The following SPINT4 variants were observed in gnomAD, a reference collection of about 807,000 sequenced individuals.
SPINT4 encodes the protein kunitz-type protease inhibitor 4.
In SPINT4, 7 loss-of-function variants were observed where a neutral mutation model predicts 9.4. That is an observed-to-expected ratio of 0.74 (90% CI 0.42 to 1.40). The LOEUF (loss-of-function observed/expected upper bound fraction) is 1.40. SPINT4 is among the 40% of genes most tolerant of loss of function. The probability of loss-of-function intolerance (pLI) is 0.01; values close to 1 mark genes in which losing one functional copy is unlikely to be tolerated. For synonymous variants in SPINT4, 36 were observed against 39.9 expected, an observed-to-expected ratio of 0.90 and a Z score of 0.37; for missense variants, 105 against 114.4, an observed-to-expected ratio of 0.92 and a Z score of 0.37.
In SPINT4 at chr20:45,724,148, C is replaced by A. The variant is rs1040346759; in HGVS notation, c.293+91C>A. 5 of 1,368,310 alleles carry A rather than the reference C, an allele frequency of 3.7e-6. No individual in the cohort carries two copies. In the Admixed American group the frequency reaches 7.2e-5, roughly 20 times the overall value. The allele number at this position is 1,368,310 out of a possible 1,614,324, so 84.8% of individuals were successfully genotyped here. A position where few individuals can be genotyped will look rare whatever the true frequency, so the allele number is the denominator to read the frequency against. ...ATAGAGAAAATTGATCAGGGGCTAA[C>A]CTTGCTTGGAGTGGGAAGAGGGAGG... On this transcript the variant is annotated intron_variant, in intron 2 of 2. Coordinates refer to ENST00000279058, the MANE Select transcript of SPINT4 (RefSeq NM_178455.3).
intron 2 of SPINT4, among the ~76,000 whole-genome samples, chr20:45,724,729 C>T (rs986786533): frequency 2.0e-5 from 3 of 150,208 alleles, no homozygotes; most frequent in Non-Finnish European, 4.4e-5. Context: ...GCCTGTAATC[C>T]CAGTACTTTG....
chr20:45,723,822 A>G, intron 1 of SPINT4, 58 bp from the exon 2 acceptor site: 1 of 1,420,870 alleles, frequency 7.0e-7, no homozygotes, highest in Non-Finnish European at 9.4e-7. Context: ...CATAAAGACA[A>G]GTTCTCCTGC....
At position 45,724,756 on chromosome 20, in the gene SPINT4, G is replaced by A. The variant is rs1354579307; in HGVS notation, c.293+699G>A. Among the ~76,000 whole-genome samples the A allele has an allele frequency of 6.7e-5, 10 of 149,478 alleles. 2 individuals are homozygous for A. Among genetic ancestry groups the A allele is most frequent in the Non-Finnish European group, 1.0e-4 (7 of 67,434 alleles). ...AGTACTTTGAGAGGCCGAGGTGGGC[G>A]GATCACAAGGTCAGGAGATCGAGAC... On this transcript the variant is annotated intron_variant, in intron 2 of 2. Transcript: ENST00000279058.
At chr20:45,723,826 C>A in intron 1 of SPINT4, 54 bp from the exon 2 acceptor site, 1 of 1,442,642 alleles carries the variant, frequency 6.9e-7, no homozygotes, top group Non-Finnish European at 9.2e-7. Context: ...AAGACAAGTT[C>A]TCCTGCTGAG....
At position 45,725,688 on chromosome 20, in the gene SPINT4, A is replaced by G. The variant is rs550779085; in HGVS notation, c.*53A>G. The stretch of plus-strand genomic sequence containing the variant: ...CTGCACCATCCGAAATAAAGACACA[A>G]GAAAATTCAGACTGATTTTGAAATC... On this transcript the variant is annotated 3_prime_UTR_variant, in exon 3 of 3. Transcript: ENST00000279058. The G allele has an allele frequency of 2.6e-4, 414 of 1,603,514 alleles. 4 individuals are homozygous for G. The South Asian group carries it at 4.4e-3, about 17-fold the overall frequency.
chr20:45,723,196 TA>T (rs1274785180), intron 1 of SPINT4, among the ~76,000 whole-genome samples: 1 of 151,918 alleles, frequency 6.6e-6, no homozygotes, highest in Non-Finnish European at 1.5e-5. Flanking sequence ...TACCAGAGAG[TA>T]AATTCCAGGC....
rs747537845 is a variant in SPINT4, at chr20:45,725,678, T to C, written c.*43T>C. Reference sequence around the variant, plus strand: ...AAGTTGTCTGCTGCACCATCCGAAATAAAGACACAAGAAAATTCAGACTGA... The same window carrying C: ...AAGTTGTCTGCTGCACCATCCGAAACAAAGACACAAGAAAATTCAGACTGA... On this transcript the variant is annotated 3_prime_UTR_variant, in exon 3 of 3. Coordinates refer to ENST00000279058, the MANE Select transcript of SPINT4 (RefSeq NM_178455.3). 1.6e-5 allele frequency: 25 copies of C among 1,610,362 alleles called. No homozygotes were observed. The highest frequency in any genetic ancestry group is 2.0e-5 in the Non-Finnish European group (23 of 1,176,730).
intron 1 of SPINT4, among the ~76,000 whole-genome samples, chr20:45,723,006 CGTAA>C (rs776758358): frequency 1.3e-4 from 20 of 152,008 alleles, no homozygotes; most frequent in Non-Finnish European, 1.8e-4. Context: ...CAGTTTATAC[CGTAA>C]GTCAGACACT....
intron 1 of SPINT4, among the ~76,000 whole-genome samples, chr20:45,723,007 G>A (rs80179355): frequency 1.5e-3 from 231 of 152,108 alleles, no homozygotes; most frequent in African/African-American, 5.0e-3. Flanking sequence ...AGTTTATACC[G>A]TAAGTCAGAC....
intron 1 of SPINT4, 49 bp from the exon 2 acceptor site, chr20:45,723,831 G>C (rs1259965383): frequency 2.0e-6 from 3 of 1,474,622 alleles, no homozygotes; most frequent in Middle Eastern, 3.6e-4. Flanking sequence ...AAGTTCTCCT[G>C]CTGAGTCCTT....
rs1240357045 is a variant in SPINT4 at position 45,722,434 on chromosome 20, T to C, written c.67T>C (p.Leu23=). Residue 23 remains leucine, a synonymous_variant, in exon 1 of 3, where the codon TTG becomes CTG. Transcript: ENST00000279058. ...CTTCTGCTCATTGAATACCCTGTTA[T>C]TGGGTGGTGTTAATAAAATTGCGGA... ...FIFCSLNTLL[L]GGVNKIAEKI... 2 of 1,613,538 alleles carry C rather than the reference T, an allele frequency of 1.2e-6. No individual in the cohort carries two copies. The highest frequency in any genetic ancestry group is 2.2e-5 in the East Asian group (1 of 44,892).
intron 2 of SPINT4, 61 bp downstream of exon 2, chr20:45,724,118 C>A (rs1187802354): frequency 4.0e-6 from 6 of 1,499,886 alleles, no homozygotes; most frequent in Middle Eastern, 3.5e-4. Context: ...TTTTGACATC[C>A]TAAGATAGAG....
At chr20:45,724,513 A>G (rs1443782519) in intron 2 of SPINT4, among the ~76,000 whole-genome samples, 3 of 33,480 alleles carry the variant, frequency 9.0e-5, no homozygotes, top group African/African-American at 3.7e-4. Context: ...AACTCCATCT[A>G]AAAAAAAAAA....
intron 2 of SPINT4, 24 bp downstream of exon 2, chr20:45,724,081 G>A (rs751040617): frequency 1.3e-6 from 2 of 1,572,390 alleles, no homozygotes; most frequent in African/African-American, 1.4e-5. Flanking sequence ...TCCTGTCCTT[G>A]GTCCTTGGGG....
At chr20:45,725,013 T>TATATATATATATACACAC (rs1984910302) in intron 2 of SPINT4, among the ~76,000 whole-genome samples, 2 of 49,506 alleles carry the variant, frequency 4.0e-5, no homozygotes, top group Admixed American at 1.9e-4. Context: ...TATATATATA[T>TATATATATATATACACAC]ATATATATAT....
Position 45,725,662 on chromosome 20 carries a change from G to T in SPINT4, c.*27G>T. The T allele has an allele frequency of 3.1e-6, 5 of 1,613,148 alleles. No homozygotes were observed. Among genetic ancestry groups the T allele is most frequent in the Non-Finnish European group, 4.2e-6 (5 of 1,179,198 alleles). ...AGGATGTGAACTCATGAAGTTGTCT[G>T]CTGCACCATCCGAAATAAAGACACA... On this transcript the variant is annotated 3_prime_UTR_variant, in exon 3 of 3. Transcript: ENST00000279058.
intron 1 of SPINT4, among the ~76,000 whole-genome samples, chr20:45,723,079 CTTA>C (rs1984840200): frequency 6.6e-6 from 1 of 152,100 alleles, no homozygotes. Flanking sequence ...CACTCAACCA[CTTA>C]TTATTCTCTT....
chr20:45,725,616 T>C lies in SPINT4; in HGVS notation c.294-13T>C, dbSNP rs1440973225. The C allele has an allele frequency of 6.2e-7, 1 of 1,613,750 alleles. No individual in the cohort carries two copies. Among genetic ancestry groups the C allele is most frequent in the South Asian group, 1.1e-5 (1 of 91,088 alleles). The stretch of plus-strand genomic sequence containing the variant: ...AACACCGATTTGGGTTTTTCTTTCC[T>C]TTGCTTAAACAGGAGGTGAGAGGAT... On this transcript the variant is annotated splice_polypyrimidine_tract_variant and intron_variant, in intron 2 of 2. Transcript: ENST00000279058.
intron 1 of SPINT4, among the ~76,000 whole-genome samples, chr20:45,723,134 GC>G (rs1462313061): frequency 6.6e-6 from 1 of 152,114 alleles, no homozygotes; most frequent in Non-Finnish European, 1.5e-5. Flanking sequence ...TCAGAAAAGT[GC>G]CTGCTGCAGA....
Sources: allele counts gnomAD v4.1 joint callset (sites outside exome capture counted in the v4.1 genomes callset), GRCh38; gene constraint gnomAD v4.1.1; transcripts MANE v1.5; gene names NCBI Gene and HGNC (gene_info 2026-07-23, HGNC 2026-07-21).